The following MND1 variants were observed in gnomAD, a reference collection of about 807,000 sequenced individuals.
MND1 encodes the protein meiotic nuclear divisions 1.
Under a neutral mutation model 35.1 loss-of-function variants are expected in MND1, and 28 were observed. The ratio of observed to expected loss-of-function variants is 0.80; its 90% confidence interval spans 0.59 to 1.09. The LOEUF (loss-of-function observed/expected upper bound fraction) is 1.09, where lower values mean the gene tolerates loss of function less well. MND1 is among the 50% of genes least tolerant of loss of function. The pLI is 0.00. For synonymous variants in MND1, 69 were observed against 70.5 expected, an observed-to-expected ratio of 0.98 and a Z score of 0.11; for missense variants, 213 against 239.6, an observed-to-expected ratio of 0.89 and a Z score of 0.73.
intron 7 of MND1, among the ~76,000 whole-genome samples, chr4:153,409,791 A>G (rs1729630611): frequency 6.6e-6 from 1 of 152,024 alleles, no homozygotes; most frequent in Non-Finnish European, 1.5e-5. Context: ...TTGCAGTTTT[A>G]TTTATTACAA....
intron 4 of MND1, among the ~76,000 whole-genome samples, chr4:153,375,328 G>A (rs1271813587): frequency 6.6e-6 from 1 of 152,124 alleles, no homozygotes; most frequent in Non-Finnish European, 1.5e-5. Flanking sequence ...CTTGCATGAA[G>A]TACGTATTGC....
Position 153,415,017 on chromosome 4 carries a change from G to A in MND1, c.*160G>A, listed in dbSNP as rs769436926. 3 of 396,380 alleles carry A rather than the reference G, an allele frequency of 7.6e-6. No homozygotes were observed. Among genetic ancestry groups the A allele is most frequent in the Non-Finnish European group, 1.4e-5 (3 of 215,798 alleles). The allele number at this position is 396,380 out of a possible 1,614,324, so 24.6% of individuals were successfully genotyped here. ...ATGCAGATGTTCTTCACCCCTTTTG[G>A]TAGAACAAAAGCAGGATGATAACCA... On this transcript the variant is annotated 3_prime_UTR_variant, in exon 8 of 8. Transcript: ENST00000240488.
chr4:153,344,686 G>T (rs1773024360), upstream of MND1: 2 of 1,535,810 alleles, frequency 1.3e-6, no homozygotes, highest in Non-Finnish European at 1.8e-6. Context: ...GGCCTGTCCC[G>T]CCCCTCTCCC....
At chr4:153,408,039 G>A (rs1729571244) in intron 6 of MND1, among the ~76,000 whole-genome samples, 1 of 152,162 alleles carries the variant, frequency 6.6e-6, no homozygotes, top group South Asian at 2.1e-4. Context: ...ACTTTAGGAG[G>A]CCAAGATGGG....
chr4:153,389,349 T>TTTTA (rs535399764), intron 4 of MND1, among the ~76,000 whole-genome samples: 3,373 of 152,092 alleles, frequency 0.022, 49 homozygotes, highest in Middle Eastern at 0.048. Flanking sequence ...GTAAATACCT[T>TTTTA]TTTATTTATT....
chr4:153,344,653 G>A (rs529041518), upstream of MND1: 2 of 1,267,922 alleles, frequency 1.6e-6, no homozygotes, highest in South Asian at 1.4e-5. Context: ...CGGCGTAGTC[G>A]GCGCCAAAAT....
intron 4 of MND1, among the ~76,000 whole-genome samples, chr4:153,365,424 G>T (rs1224676673): frequency 6.6e-6 from 1 of 152,222 alleles, no homozygotes; most frequent in Non-Finnish European, 1.5e-5. Context: ...ACTATCTGTT[G>T]TGTGTTAGAT....
chr4:153,379,011 G>A (rs1467750325), intron 4 of MND1, among the ~76,000 whole-genome samples: 3 of 152,110 alleles, frequency 2.0e-5, no homozygotes, highest in South Asian at 2.1e-4. Context: ...AAAGCGGGCT[G>A]CGCGCGGTGA....
At chr4:153,370,560 T>A in intron 4 of MND1, among the ~76,000 whole-genome samples, 1 of 151,902 alleles carries the variant, frequency 6.6e-6, no homozygotes, top group East Asian at 1.9e-4. Context: ...CACTCTGTCA[T>A]CCAGGCTGGA....
At chr4:153,410,221 A>G (rs1729643379) in intron 7 of MND1, among the ~76,000 whole-genome samples, 1 of 152,204 alleles carries the variant, frequency 6.6e-6, no homozygotes, top group Non-Finnish European at 1.5e-5. Flanking sequence ...CTCTTAAAAA[A>G]GTTCATGTTT....
Position 153,388,147 on chromosome 4 carries a change from C to T in MND1, c.277-6115C>T, listed in dbSNP as rs533355211. ...CAATCCTGATTATCTGTATAGGTGA[C>T]CTGGAATGCATTTAAAGAGAAGCAC... is the stretch of plus-strand genomic sequence containing the variant. On this transcript the variant is annotated intron_variant, in intron 4 of 7. Coordinates refer to ENST00000240488, the MANE Select transcript of MND1 (RefSeq NM_032117.4). Among the ~76,000 whole-genome samples, 7 of 152,202 alleles carry T rather than the reference C, an allele frequency of 4.6e-5. No homozygotes were observed. In the South Asian group the frequency reaches 1.5e-3, roughly 32 times the overall value.
At chr4:153,394,422 A>T in intron 5 of MND1, 86 bp downstream of exon 5, 2 of 1,059,666 alleles carry the variant, frequency 1.9e-6, no homozygotes, top group South Asian at 1.5e-5. Context: ...AGGAGGATGC[A>T]TTTCTACCAG....
At chr4:153,388,860 A>T (rs928409750) in intron 4 of MND1, among the ~76,000 whole-genome samples, 2 of 152,182 alleles carry the variant, frequency 1.3e-5, no homozygotes, top group African/African-American at 4.8e-5. Context: ...AAGGGTAAGG[A>T]TGGACAGAGA....
chr4:153,377,019 T>A (rs1728530671), intron 4 of MND1, among the ~76,000 whole-genome samples: 1 of 152,226 alleles, frequency 6.6e-6, no homozygotes, highest in Non-Finnish European at 1.5e-5. Context: ...GGTTTTTGAC[T>A]GAGTTTTATT....
At chr4:153,401,934 C>T (rs777273441) in intron 6 of MND1, among the ~76,000 whole-genome samples, 15 of 152,118 alleles carry the variant, frequency 9.9e-5, no homozygotes, top group Non-Finnish European at 1.9e-4. Flanking sequence ...GCAGGCGGAT[C>T]ACTAGGGGTC....
chr4:153,345,336 T>G (rs2149625637), intron 1 of MND1: 1 of 985,498 alleles, frequency 1.0e-6, no homozygotes, highest in Non-Finnish European at 1.2e-6. Flanking sequence ...TAATGGATCT[T>G]CACTGTGTGC....
At chr4:153,348,800 C>G (rs368187648) in intron 1 of MND1, among the ~76,000 whole-genome samples, 1 of 152,096 alleles carries the variant, frequency 6.6e-6, no homozygotes, top group African/African-American at 2.4e-5. Flanking sequence ...TGTGAGCCAC[C>G]GCCCAGCCAA....
chr4:153,363,179 C>G (rs956410920), intron 4 of MND1, among the ~76,000 whole-genome samples: 1 of 150,634 alleles, frequency 6.6e-6, no homozygotes, highest in African/African-American at 2.4e-5. Context: ...TGTTGTTGCT[C>G]TTTGTTTTTT....
chr4:153,386,153 A>G (rs1354432417), intron 4 of MND1, among the ~76,000 whole-genome samples: 2 of 152,040 alleles, frequency 1.3e-5, no homozygotes, highest in Non-Finnish European at 2.9e-5. Flanking sequence ...AAACTGCTCT[A>G]AAACATTGAA....
Sources: gnomAD v4.1 joint callset for allele counts (sites outside exome capture counted in the v4.1 genomes callset) on GRCh38, gnomAD v4.1.1 for gene constraint, MANE v1.5 for transcripts, NCBI Gene and HGNC (gene_info 2026-07-23, HGNC 2026-07-21) for gene names.